Variants in CMTM4 observed in about 807,000 individuals in gnomAD.
CMTM4 encodes the protein CKLF-like MARVEL transmembrane domain-containing protein 4.
A neutral mutation model predicts 19.0 loss-of-function variants in CMTM4; 8 were observed. That is an observed-to-expected ratio of 0.42 (90% CI 0.25 to 0.76). The LOEUF (loss-of-function observed/expected upper bound fraction) is 0.76. Ranked by LOEUF, CMTM4 falls within the 30% of genes least tolerant of loss-of-function variation. The pLI is 0.27. For synonymous variants in CMTM4, 106 were observed against 121.1 expected (o/e 0.88, Z 0.82); for missense variants, 228 against 290.2 (o/e 0.79, Z 1.56).
In CMTM4 at chr16:66,696,640, T is replaced by A; in HGVS notation, c.-115A>T. On this transcript the variant is annotated 5_prime_UTR_variant, in exon 1 of 4. Transcript: ENST00000394106. The surrounding 1 kb of genome is among the most constrained non-coding windows in gnomAD (Gnocchi z 4.3). ...CCGCCGCCGCCGCCGCCCGACTGAC[T>A]GCCCGCGGCCCGCCCGCCGCCGCCG... 1.9e-6 allele frequency: 1 copy of A among 521,954 alleles called. No homozygotes were observed. Among genetic ancestry groups the A allele is most frequent in the Non-Finnish European group, 2.4e-6 (1 of 409,688 alleles). The allele number at this position is 521,954 out of a possible 1,614,324, so 32.3% of individuals were successfully genotyped here. A position where few individuals can be genotyped will look rare whatever the true frequency, so the allele number is the denominator to read the frequency against.
rs1005287907 is a variant in CMTM4, at chr16:66,621,451, C to A, written c.*607G>T. On this transcript the variant is annotated 3_prime_UTR_variant, in exon 4 of 4. Coordinates refer to ENST00000394106, the MANE Select transcript of CMTM4 (RefSeq NM_181521.3). The stretch of plus-strand genomic sequence containing the variant: ...CATTTGAGGAAGAATCAAGTGATTT[C>A]TCAGCAGAGTAGGAAACAAAAGGTC... 1 of 985,962 alleles carries A rather than the reference C, an allele frequency of 1.0e-6. No individual in the cohort carries two copies. Among genetic ancestry groups the A allele is most frequent in the Non-Finnish European group, 1.2e-6 (1 of 829,984 alleles). 61.1% of individuals were successfully genotyped at this position (985,962 alleles called of 1,614,324 possible). A position where few individuals can be genotyped will look rare whatever the true frequency, so the allele number is the denominator to read the frequency against.
At chr16:66,657,548 CAGAG>C (rs918197255) in intron 1 of CMTM4, among the ~76,000 whole-genome samples, 14 of 151,846 alleles carry the variant, frequency 9.2e-5, no homozygotes, top group African/African-American at 1.7e-4. Flanking sequence ...TATAAACACA[CAGAG>C]AGAGAGAGAC....
At position 66,683,202 on chromosome 16, in the gene CMTM4, T is replaced by TATACGTATATATATATAC. The variant is rs1567432395; in HGVS notation, c.186+13137_186+13138insGTATATATATATACGTAT. ...ATATGTATATATATATACATATATA[T>TATACGTATATATATATAC]ATATATATAAATTTTCCCCATGGAT... On this transcript the variant is annotated intron_variant, in intron 1 of 3. Transcript: ENST00000394106. Among the ~76,000 whole-genome samples the TATACGTATATATATATAC allele has an allele frequency of 2.6e-4, 36 of 137,158 alleles. No homozygotes were observed. The East Asian group carries it at 4.4e-3, about 17-fold the overall frequency. The allele number at this position is 137,158 out of a possible 152,430, so 90.0% of individuals were successfully genotyped here.
chr16:66,613,203 T>C, downstream of CMTM4: 1 of 694,830 alleles, frequency 1.4e-6, no homozygotes, highest in Non-Finnish European at 2.6e-6. Context: ...CTTTGCCTTG[T>C]CGCCCAGGAA....
intron 1 of CMTM4, among the ~76,000 whole-genome samples, chr16:66,680,538 G>GC (rs1365500830): frequency 2.0e-5 from 3 of 151,480 alleles, no homozygotes; most frequent in African/African-American, 7.3e-5. Flanking sequence ...GCTTCGGGAG[G>GC]CCAAGGCGGG....
chr16:66,627,882 C>T (rs1003177279), intron 2 of CMTM4, among the ~76,000 whole-genome samples: 13 of 152,096 alleles, frequency 8.5e-5, no homozygotes, highest in Non-Finnish European at 1.3e-4. Flanking sequence ...GCCCCGGCAC[C>T]GGTCTCTGAG....
chr16:66,619,919 G>C lies in CMTM4; in HGVS notation c.*2139C>G. On this transcript the variant is annotated 3_prime_UTR_variant, in exon 4 of 4. Transcript: ENST00000394106. ...TGTCATCCTTTTTGGTCATTCATCT[G>C]CATTTAGTTTCAGTGACTTCAGAAC... 2 of 985,392 alleles carry C rather than the reference G, an allele frequency of 2.0e-6. No individual in the cohort carries two copies. The highest frequency in any genetic ancestry group is 2.4e-6 in the Non-Finnish European group (2 of 829,942). The allele number at this position is 985,392 out of a possible 1,614,324, so 61.0% of individuals were successfully genotyped here. A position where few individuals can be genotyped will look rare whatever the true frequency, so the allele number is the denominator to read the frequency against.
chr16:66,670,855 C>A (rs1013511860), intron 1 of CMTM4, among the ~76,000 whole-genome samples: 5 of 151,974 alleles, frequency 3.3e-5, no homozygotes, highest in Non-Finnish European at 5.9e-5. Flanking sequence ...CTGCATCATA[C>A]CCTGAAGCAA....
At chr16:66,600,731 T>C in the CMTM4 span, among the ~76,000 whole-genome samples, 1 of 152,090 alleles carries the variant, frequency 6.6e-6, no homozygotes, top group African/African-American at 2.4e-5. Flanking sequence ...TCTCTGGATA[T>C]GTTTAGTGTT....
Position 66,617,591 on chromosome 16 carries a change from T to C in CMTM4, c.*4467A>G, listed in dbSNP as rs941745882. 47 of 1,260,740 alleles carry C rather than the reference T, an allele frequency of 3.7e-5. No individual in the cohort carries two copies. The highest frequency in any genetic ancestry group is 4.5e-5 in the Non-Finnish European group (45 of 999,076). The allele number at this position is 1,260,740 out of a possible 1,614,324, so 78.1% of individuals were successfully genotyped here. A position where few individuals can be genotyped will look rare whatever the true frequency, so the allele number is the denominator to read the frequency against. On this transcript the variant is annotated 3_prime_UTR_variant, in exon 4 of 4. Transcript: ENST00000394106. ...GGTATTTTCTCTCACAGTTTCTAAA[T>C]AAAAGAAACATAAAAGGTCAAATAT...
intron 1 of CMTM4, among the ~76,000 whole-genome samples, chr16:66,638,270 G>A (rs2016034403): frequency 6.6e-6 from 1 of 152,158 alleles, no homozygotes; most frequent in South Asian, 2.1e-4. Flanking sequence ...CTTTCACATA[G>A]CTGGCAGATG....
chr16:66,655,725 G>C (rs1284831230), intron 1 of CMTM4, among the ~76,000 whole-genome samples: 1 of 152,092 alleles, frequency 6.6e-6, no homozygotes, highest in African/African-American at 2.4e-5. Context: ...GAAACATCTT[G>C]TGCTCAGAGA....
At chr16:66,625,303 A>G (rs1306755724) in intron 2 of CMTM4, among the ~76,000 whole-genome samples, 2 of 151,816 alleles carry the variant, frequency 1.3e-5, no homozygotes, top group Non-Finnish European at 2.9e-5. Flanking sequence ...GTGTGGTGGC[A>G]CATGCCTGTA....
intron 2 of CMTM4, 145 bp from the exon 3 acceptor site, chr16:66,623,647 G>A: frequency 3.6e-6 from 2 of 553,844 alleles, no homozygotes; most frequent in South Asian, 2.5e-5. Context: ...CAGGGTTACT[G>A]GTCACACAAA....
chr16:66,662,949 C>T (rs747481865), intron 1 of CMTM4, among the ~76,000 whole-genome samples: 2 of 152,128 alleles, frequency 1.3e-5, no homozygotes, highest in Admixed American at 6.6e-5. Context: ...GCAGTAAAGA[C>T]GTTGAGAATG....
chr16:66,605,786 G>A, the CMTM4 span, among the ~76,000 whole-genome samples: 6 of 152,226 alleles, frequency 3.9e-5, no homozygotes, highest in African/African-American at 1.4e-4. This position sits in a 1 kb window ranked among gnomAD's most constrained non-coding sequence, Gnocchi z 4.6. Flanking sequence ...GCGGCCAGGA[G>A]GGTGGGGGCA....
At chr16:66,638,193 G>C (rs1275402223) in intron 1 of CMTM4, among the ~76,000 whole-genome samples, 3 of 152,136 alleles carry the variant, frequency 2.0e-5, no homozygotes, top group Non-Finnish European at 4.4e-5. Flanking sequence ...TGCAGCCTCT[G>C]CCTCCGGAGC....
intron 2 of CMTM4, among the ~76,000 whole-genome samples, chr16:66,628,999 T>G (rs969578732): frequency 2.0e-5 from 3 of 152,218 alleles, no homozygotes; most frequent in African/African-American, 2.4e-5. Flanking sequence ...TTCTAGTTTT[T>G]GGGGTTTTTT....
chr16:66,604,770 G>A, the CMTM4 span: 2 of 1,227,726 alleles, frequency 1.6e-6, no homozygotes, highest in Non-Finnish European at 2.0e-6. Flanking sequence ...GAAGAGGGGA[G>A]CCAGGCCGAG....
Sources: gnomAD v4.1 joint callset for allele counts (sites outside exome capture counted in the v4.1 genomes callset) on GRCh38, gnomAD v4.1.1 for gene constraint, Gnocchi (gnomAD v3.1) non-coding constraint, MANE v1.5 for transcripts, NCBI Gene and HGNC (gene_info 2026-07-23, HGNC 2026-07-21) for gene names.